MAPK9: variants seen among roughly 807,000 people sequenced by gnomAD.
MAPK9 encodes the protein mitogen-activated protein kinase 9, also known as Jun kinase.
A neutral mutation model predicts 57.1 loss-of-function variants in MAPK9; 30 were observed. The observed-to-expected ratio is 0.53, with a 90% confidence interval of 0.39 to 0.71. MAPK9 has a LOEUF of 0.71. MAPK9 is among the 30% of genes least tolerant of loss of function. The probability of loss-of-function intolerance (pLI) is 0.00; values close to 1 mark genes in which losing one functional copy is unlikely to be tolerated. For synonymous variants in MAPK9, 155 were observed against 177.0 expected (o/e 0.88, Z 0.99); for missense variants, 362 against 521.0 (o/e 0.69, Z 2.97).
Position 180,269,280 on chromosome 5 carries a change from A to G in MAPK9, c.252T>C (p.Asn84=), listed in dbSNP as rs748181299. The G allele has an allele frequency of 1.2e-6, 2 of 1,613,018 alleles. No homozygotes were observed. The highest frequency in any genetic ancestry group is 1.7e-6 in the Non-Finnish European group (2 of 1,179,200). Residue 84 remains asparagine (N), a splice_region_variant and synonymous_variant, in exon 3 of 12, where the codon AAT becomes AAC. Coordinates refer to ENST00000452135, the MANE Select transcript of MAPK9 (RefSeq NM_002752.5). ...LVLLKCVNHK[N]IISLLNVFTP... is the part of the protein sequence containing the mutation. ...CAGACAAAATACATACATAACTTAC[A>G]TTTTTATGATTGACACATTTTAAGA...
At chr5:180,251,316 C>T (rs1758667585) in intron 5 of MAPK9, among the ~76,000 whole-genome samples, 3 of 152,208 alleles carry the variant, frequency 2.0e-5, no homozygotes, top group Admixed American at 2.0e-4. Flanking sequence ...AAGACAAGGA[C>T]AGCCTGGTTC....
chr5:180,253,125 G>A (rs1411893551), intron 5 of MAPK9, among the ~76,000 whole-genome samples: 1 of 152,218 alleles, frequency 6.6e-6, no homozygotes, highest in Non-Finnish European at 1.5e-5. Flanking sequence ...GTCAGCCAGG[G>A]GCCGACCGGG....
intron 1 of MAPK9, among the ~76,000 whole-genome samples, chr5:180,282,994 A>G (rs895106267): frequency 2.0e-5 from 3 of 152,120 alleles, no homozygotes; most frequent in Non-Finnish European, 4.4e-5. Context: ...GGAGAGAGAA[A>G]AGGAGGCCAG....
At chr5:180,250,083 G>A (rs991317148) in intron 5 of MAPK9, among the ~76,000 whole-genome samples, 3 of 152,168 alleles carry the variant, frequency 2.0e-5, no homozygotes, top group Middle Eastern at 3.4e-3. Flanking sequence ...CCATCTGTAC[G>A]TGGCACAAAA....
chr5:180,236,690 C>T, intron 11 of MAPK9, 164 bp from the exon 12 acceptor site: 1 of 595,018 alleles, frequency 1.7e-6, no homozygotes, highest in East Asian at 3.1e-5. Context: ...TGAACTTTTC[C>T]TTGAGTCTTT....
At chr5:180,270,074 C>T (rs1761112808) in intron 2 of MAPK9, among the ~76,000 whole-genome samples, 1 of 152,102 alleles carries the variant, frequency 6.6e-6, no homozygotes, top group Non-Finnish European at 1.5e-5. Context: ...TCATTTTCCT[C>T]CAGAAAATAG....
At chr5:180,290,680 A>C (rs1763151834) in intron 1 of MAPK9, among the ~76,000 whole-genome samples, 1 of 152,274 alleles carries the variant, frequency 6.6e-6, no homozygotes, top group Non-Finnish European at 1.5e-5. Flanking sequence ...AAAATGTTTC[A>C]CAAAATAGAA....
rs145442876 is a variant in MAPK9, at chr5:180,275,198, C to T, written c.122+5242G>A. ...TTGTGTGCCTAGACTGGGCCTTGCA[C>T]GTATAAAACTGTTTGCTATCTAGAA... On this transcript the variant is annotated intron_variant, in intron 2 of 11. Transcript: ENST00000452135. Among the ~76,000 whole-genome samples, 18 of 152,158 alleles carry T rather than the reference C, an allele frequency of 1.2e-4. 1 individual carries two copies. In the East Asian group the frequency reaches 2.5e-3, roughly 21 times the overall value.
chr5:180,274,109 A>AT (rs1217392546), intron 2 of MAPK9, among the ~76,000 whole-genome samples: 2 of 151,816 alleles, frequency 1.3e-5, no homozygotes, highest in Non-Finnish European at 2.9e-5. Flanking sequence ...AGTTTTCTCT[A>AT]TTTTTTCTAA....
chr5:180,285,336 G>A (rs1762640440), intron 1 of MAPK9, among the ~76,000 whole-genome samples: 1 of 152,170 alleles, frequency 6.6e-6, no homozygotes, highest in Non-Finnish European at 1.5e-5. Flanking sequence ...GCACCATTCT[G>A]ATATCCCTTT....
chr5:180,261,619 T>C (rs1759976598), intron 5 of MAPK9, 65 bp downstream of exon 5: 2 of 1,377,022 alleles, frequency 1.5e-6, no homozygotes, highest in Admixed American at 2.6e-5. Flanking sequence ...TGTTATTTTG[T>C]ATGTAAAGGA....
intron 5 of MAPK9, among the ~76,000 whole-genome samples, chr5:180,253,149 G>A (rs1758888750): frequency 6.6e-6 from 1 of 152,208 alleles, no homozygotes; most frequent in Non-Finnish European, 1.5e-5. Flanking sequence ...GGATGCTGAG[G>A]CAGGCCCGTT....
chr5:180,272,018 C>T (rs1471018629), intron 2 of MAPK9, among the ~76,000 whole-genome samples: 3 of 152,144 alleles, frequency 2.0e-5, no homozygotes, highest in Non-Finnish European at 4.4e-5. Context: ...ACCTACTCCA[C>T]ATGATTTGCA....
In MAPK9 at chr5:180,269,273, A is replaced by G; in HGVS notation, c.252+7T>C. The G allele has an allele frequency of 6.2e-7, 1 of 1,612,694 alleles. No homozygotes were observed. On this transcript the variant is annotated splice_region_variant and intron_variant, in intron 3 of 11. Coordinates refer to ENST00000452135, the MANE Select transcript of MAPK9 (RefSeq NM_002752.5). Reference sequence around the variant, plus strand: ...AAGCACACAGACAAAATACATACATAACTTACATTTTTATGATTGACACAT... The same window carrying G: ...AAGCACACAGACAAAATACATACATGACTTACATTTTTATGATTGACACAT...
chr5:180,284,795 T>C (rs1366649392), intron 1 of MAPK9, among the ~76,000 whole-genome samples: 1 of 152,148 alleles, frequency 6.6e-6, no homozygotes, highest in Non-Finnish European at 1.5e-5. Context: ...AACAAGGCCA[T>C]TCAACAGAAT....
intron 3 of MAPK9, among the ~76,000 whole-genome samples, chr5:180,268,355 A>T (rs1032023017): frequency 6.6e-6 from 1 of 152,244 alleles, no homozygotes; most frequent in African/African-American, 2.4e-5. Flanking sequence ...GTAAAAACCT[A>T]CTTATAGAAC....
chr5:180,252,259 T>C (rs1235603512), intron 5 of MAPK9, among the ~76,000 whole-genome samples: 1 of 152,098 alleles, frequency 6.6e-6, no homozygotes. Flanking sequence ...CTAATCAGTG[T>C]GGAGGATGCA....
intron 5 of MAPK9, among the ~76,000 whole-genome samples, chr5:180,251,049 T>A (rs1330914713): frequency 6.6e-6 from 1 of 152,120 alleles, no homozygotes; most frequent in Non-Finnish European, 1.5e-5. Context: ...TAATGCTCAA[T>A]CTCACAAAAA....
At chr5:180,286,414 G>A (rs1762773318) in intron 1 of MAPK9, among the ~76,000 whole-genome samples, 1 of 151,552 alleles carries the variant, frequency 6.6e-6, no homozygotes, top group South Asian at 2.1e-4. Flanking sequence ...AAAGTGCTGG[G>A]ATTACAGGCG....
Sources: gnomAD v4.1 joint callset for allele counts (sites outside exome capture counted in the v4.1 genomes callset) on GRCh38, gnomAD v4.1.1 for gene constraint, MANE v1.5 for transcripts, NCBI Gene and HGNC (gene_info 2026-07-23, HGNC 2026-07-21) for gene names.